PLCL1: variants seen among roughly 807,000 people sequenced by gnomAD.
The protein encoded by PLCL1 is phospholipase C like 1 (inactive).
In PLCL1, 41 loss-of-function variants were observed where a neutral mutation model predicts 84.4. The ratio of observed to expected loss-of-function variants is 0.49; its 90% confidence interval spans 0.38 to 0.63. The LOEUF (loss-of-function observed/expected upper bound fraction) is 0.63, where lower values mean the gene tolerates loss of function less well. Ranked by LOEUF, PLCL1 falls within the 30% of genes least tolerant of loss-of-function variation. The pLI is 0.00. For synonymous variants in PLCL1, 490 were observed against 488.3 expected (o/e 1.00, Z -0.05); for missense variants, 1,206 against 1,367.8 (o/e 0.88, Z 1.87).
chr2:197,867,866 T>TA (rs545595020), intron 1 of PLCL1, among the ~76,000 whole-genome samples: 4 of 152,018 alleles, frequency 2.6e-5, no homozygotes, highest in African/African-American at 7.2e-5. Flanking sequence ...GAAATACTCA[T>TA]AAAAAAAATT....
chr2:197,936,996 A>G (rs73056859), intron 1 of PLCL1, among the ~76,000 whole-genome samples: 27,410 of 152,168 alleles, frequency 0.18, 2,548 homozygotes, highest in East Asian at 0.26. Flanking sequence ...TTTCTTCTGC[A>G]TATGGATACC....
intron 1 of PLCL1, among the ~76,000 whole-genome samples, chr2:197,966,833 C>T (rs949582521): frequency 2.8e-4 from 42 of 150,104 alleles, no homozygotes; most frequent in African/African-American, 1.0e-3. Context: ...TGCTCTGTCT[C>T]CATCCATACT....
chr2:198,122,803 T>C (rs62277911), intron 5 of PLCL1, among the ~76,000 whole-genome samples: 311 of 152,268 alleles, frequency 2.0e-3, no homozygotes, highest in Non-Finnish European at 3.7e-3. Context: ...TAATCACTTA[T>C]AGTTATAAAA....
intron 1 of PLCL1, among the ~76,000 whole-genome samples, chr2:197,981,139 G>T (rs1690096238): frequency 6.6e-6 from 1 of 152,142 alleles, no homozygotes; most frequent in African/African-American, 2.4e-5. Context: ...CTACACCTTA[G>T]TTCACCTACA....
chr2:198,083,544 T>G (rs1438293670), intron 1 of PLCL1, among the ~76,000 whole-genome samples: 3 of 152,208 alleles, frequency 2.0e-5, no homozygotes, highest in Admixed American at 2.0e-4. Context: ...AAAGGCCACA[T>G]AGGCATTTGA....
In PLCL1 at chr2:198,084,176, A is replaced by G; in HGVS notation, c.659A>G (p.Tyr220Cys). The change falls in exon 2 of 6, where the codon TAC (tyrosine) becomes TGC (cysteine). Residue 220 changes from tyrosine to cysteine, a missense_variant. Transcript: ENST00000428675. ...VANIWVSGLRYLVSRSKQPLD... is the reference protein window; with the variant it reads ...VANIWVSGLRCLVSRSKQPLD... ...AACATCTGGGTGTCTGGGTTACGGT[A>G]CCTGGTTTCTCGAAGTAAGCAGCCT... 6.2e-7 allele frequency: 1 copy of G among 1,614,136 alleles called. No homozygotes were observed. Among genetic ancestry groups the G allele is most frequent in the Non-Finnish European group, 8.5e-7 (1 of 1,179,996 alleles).
intron 1 of PLCL1, among the ~76,000 whole-genome samples, chr2:197,930,878 G>A (rs1688917265): frequency 6.6e-6 from 1 of 152,146 alleles, no homozygotes; most frequent in South Asian, 2.1e-4. Context: ...GGGCTTATTT[G>A]GTTTATTGTG....
chr2:197,869,729 A>G (rs1687614494), intron 1 of PLCL1, among the ~76,000 whole-genome samples: 1 of 152,148 alleles, frequency 6.6e-6, no homozygotes, highest in Non-Finnish European at 1.5e-5. Context: ...AGAAGTTTTG[A>G]TGTTATCCTA....
intron 1 of PLCL1, among the ~76,000 whole-genome samples, chr2:198,010,801 A>ATT (rs560435492): frequency 7.4e-6 from 1 of 135,234 alleles, no homozygotes. Context: ...TTGGAAGGTT[A>ATT]TTTTTTTTTT....
At chr2:198,089,841 C>G (rs1574304283) in intron 3 of PLCL1, among the ~76,000 whole-genome samples, 1 of 152,204 alleles carries the variant, frequency 6.6e-6, no homozygotes, top group East Asian at 1.9e-4. Flanking sequence ...AAACATTTAA[C>G]TTTAAAATAA....
chr2:197,891,470 C>A (rs1271857953), intron 1 of PLCL1, among the ~76,000 whole-genome samples: 1 of 151,986 alleles, frequency 6.6e-6, no homozygotes, highest in Non-Finnish European at 1.5e-5. Flanking sequence ...GCTCTTGACA[C>A]TTTGAGAAAC....
chr2:197,929,267 C>T (rs540179369), intron 1 of PLCL1, among the ~76,000 whole-genome samples: 3 of 152,184 alleles, frequency 2.0e-5, no homozygotes, highest in Non-Finnish European at 4.4e-5. Context: ...TATGGAGGGC[C>T]GACTGTAAAC....
intron 1 of PLCL1, among the ~76,000 whole-genome samples, chr2:197,929,837 C>T (rs1172162075): frequency 6.6e-6 from 1 of 152,130 alleles, no homozygotes; most frequent in Non-Finnish European, 1.5e-5. Context: ...CCTTTATCTA[C>T]TCTATCAGTG....
At chr2:197,959,098 G>A (rs1216323580) in intron 1 of PLCL1, among the ~76,000 whole-genome samples, 1 of 151,986 alleles carries the variant, frequency 6.6e-6, no homozygotes, top group Admixed American at 6.6e-5. Context: ...CTAGCTATGT[G>A]ACTTCAGCCA....
intron 1 of PLCL1, among the ~76,000 whole-genome samples, chr2:198,074,578 G>T (rs1455677248): frequency 6.6e-6 from 1 of 152,190 alleles, no homozygotes; most frequent in Admixed American, 6.5e-5. Context: ...GGCGGAGCTT[G>T]CAGTGAGCCG....
chr2:197,890,235 G>T (rs1687989382), intron 1 of PLCL1, among the ~76,000 whole-genome samples: 1 of 152,170 alleles, frequency 6.6e-6, no homozygotes, highest in Non-Finnish European at 1.5e-5. Context: ...TCCACTGGAA[G>T]CCACAGTTCT....
At chr2:197,825,590 CA>C (rs1159138815) in intron 1 of PLCL1, among the ~76,000 whole-genome samples, 1 of 152,214 alleles carries the variant, frequency 6.6e-6, no homozygotes, top group African/African-American at 2.4e-5. Flanking sequence ...TAAACCAAGA[CA>C]ACTCATTCTC....
At chr2:197,961,445 A>G (rs915949704) in intron 1 of PLCL1, among the ~76,000 whole-genome samples, 5 of 152,044 alleles carry the variant, frequency 3.3e-5, no homozygotes, top group African/African-American at 7.2e-5. Context: ...GAATAGATTT[A>G]TAGCTTTTTT....
chr2:197,898,561 GATCTTGGCATCATGCCCAAGAGAACCCTC>G (rs1407895111), intron 1 of PLCL1, among the ~76,000 whole-genome samples: 1 of 151,786 alleles, frequency 6.6e-6, no homozygotes, highest in Non-Finnish European at 1.5e-5. Context: ...CTGCAAGGCT[GATCTTGGCATCATGCCCAAGAGAACCCTC>G]ATGTTTTGCC....
Sources: gnomAD v4.1 joint callset for allele counts (sites outside exome capture counted in the v4.1 genomes callset) on GRCh38, gnomAD v4.1.1 for gene constraint, MANE v1.5 for transcripts, NCBI Gene and HGNC (gene_info 2026-07-23, HGNC 2026-07-21) for gene names.